The following CDH1 variants were observed in gnomAD, a reference collection of about 807,000 sequenced individuals.
The protein encoded by CDH1 is cadherin-1.
A neutral mutation model predicts 84.5 loss-of-function variants in CDH1; 35 were observed. The observed-to-expected ratio is 0.41, with a 90% CI of 0.32 to 0.55. The LOEUF is 0.55. CDH1 is among the 20% of genes least tolerant of loss of function. CDH1 has a pLI of 0.19. For missense variants in CDH1, 994 were observed against 1,126.6 expected (o/e 0.88, Z 1.68); for synonymous variants, 417 against 439.0 (o/e 0.95, Z 0.63).
chr16:68,818,494 T>C (rs1055108882), intron 10 of CDH1, among the ~76,000 whole-genome samples: 8 of 151,060 alleles, frequency 5.3e-5, no homozygotes, highest in Admixed American at 2.6e-4. Flanking sequence ...CATACTATTA[T>C]AGTAACTTGT....
chr16:68,790,443 A>G (rs906178805), intron 2 of CDH1, among the ~76,000 whole-genome samples: 1 of 152,214 alleles, frequency 6.6e-6, no homozygotes, highest in African/African-American at 2.4e-5. Context: ...GTTGCAGTCC[A>G]TGAAAATGAT....
intron 2 of CDH1, chr16:68,770,878 T>C (rs965268724): frequency 1.3e-5 from 2 of 151,438 alleles, no homozygotes; most frequent in Non-Finnish European, 1.5e-5. Flanking sequence ...AGAGCTGGTC[T>C]CTAGTTTTTT....
intron 2 of CDH1, among the ~76,000 whole-genome samples, chr16:68,785,267 C>T (rs1271159492): frequency 6.6e-6 from 1 of 152,166 alleles, no homozygotes; most frequent in Non-Finnish European, 1.5e-5. Flanking sequence ...TCTCGGCTCA[C>T]TGCAACCTCT....
At chr16:68,738,465 G>C (rs12448892) in intron 2 of CDH1, 54 bp downstream of exon 2, 3 of 1,298,848 alleles carry the variant, frequency 2.3e-6, no homozygotes, top group Non-Finnish European at 3.2e-6. Context: ...TTGGAAAGGG[G>C]CCGAGAAATT....
intron 2 of CDH1, 113 bp downstream of exon 2, chr16:68,738,524 A>C (rs892668183): frequency 1.5e-5 from 10 of 651,004 alleles, no homozygotes; most frequent in Non-Finnish European, 2.6e-5. Context: ...TCCTTGGCTC[A>C]AACGACACCC....
chr16:68,786,637 C>A (rs1432794405), intron 2 of CDH1, among the ~76,000 whole-genome samples: 1 of 146,738 alleles, frequency 6.8e-6, no homozygotes, highest in East Asian at 2.0e-4. Context: ...TGAGCAGTTA[C>A]CTTTCCAGGC....
At position 68,813,300 on chromosome 16, in the gene CDH1, C is replaced by G. The variant is rs1399457483; in HGVS notation, c.1138-13C>G. 1.4e-5 allele frequency: 22 copies of G among 1,613,956 alleles called. No homozygotes were observed. Among genetic ancestry groups the G allele is most frequent in the Non-Finnish European group, 1.8e-5 (21 of 1,179,842 alleles). ...TTGGTACTTTGTAAATGACACATCT[C>G]TTTGCTCTGCAGTACAAGGGTCAGG... On this transcript the variant is annotated splice_polypyrimidine_tract_variant and intron_variant, in intron 8 of 15. Transcript: ENST00000261769.
intron 2 of CDH1, among the ~76,000 whole-genome samples, chr16:68,786,418 T>C (rs1198873321): frequency 6.6e-6 from 1 of 151,838 alleles, no homozygotes; most frequent in African/African-American, 2.4e-5. Context: ...GCGATCCACA[T>C]GCCTTGGCCT....
intron 2 of CDH1, among the ~76,000 whole-genome samples, chr16:68,772,168 A>G (rs767764355): frequency 1.6e-4 from 24 of 152,062 alleles, no homozygotes; most frequent in Non-Finnish European, 2.6e-4. Flanking sequence ...CCTTATCTCA[A>G]AATTGGCCCC....
chr16:68,780,050 A>C (rs1366992955), intron 2 of CDH1, among the ~76,000 whole-genome samples: 2 of 152,006 alleles, frequency 1.3e-5, no homozygotes, highest in Non-Finnish European at 2.9e-5. Context: ...CCCTTGTGTC[A>C]CTCGCTCTAC....
At chr16:68,742,634 GC>G (rs1435125021) in intron 2 of CDH1, 1 of 152,398 alleles carries the variant, frequency 6.6e-6, no homozygotes, top group African/African-American at 2.4e-5. Flanking sequence ...TGTTGCCCAG[GC>G]TGGGCAAACT....
At chr16:68,789,858 G>A (rs1960162018) in intron 2 of CDH1, among the ~76,000 whole-genome samples, 2 of 152,216 alleles carry the variant, frequency 1.3e-5, no homozygotes, top group African/African-American at 4.8e-5. Context: ...TTGGGAGTTC[G>A]AGACCTGCCC....
intron 2 of CDH1, among the ~76,000 whole-genome samples, chr16:68,783,139 G>A (rs1189773613): frequency 2.0e-5 from 3 of 151,986 alleles, no homozygotes; most frequent in Admixed American, 6.6e-5. Context: ...GCTCACTCCT[G>A]TAATCCTGGC....
chr16:68,755,282 CAAAAAAAAA>C (rs1188775959), intron 2 of CDH1, among the ~76,000 whole-genome samples: 1 of 96,054 alleles, frequency 1.0e-5, no homozygotes, highest in East Asian at 3.3e-4. Flanking sequence ...GACTCTGTCT[CAAAAAAAAA>C]AAAAAAAAAA....
chr16:68,812,977 C>A (rs1431528701), intron 8 of CDH1, among the ~76,000 whole-genome samples: 1 of 152,170 alleles, frequency 6.6e-6, no homozygotes, highest in East Asian at 1.9e-4. Context: ...GAGGCGGAGG[C>A]TGCAGTGAGC....
In CDH1 at chr16:68,834,021, A is replaced by G. The variant is rs533321576; in HGVS notation, c.*522A>G. The G allele has an allele frequency of 3.1e-5, 11 of 358,352 alleles. No individual in the cohort carries two copies. The highest frequency in any genetic ancestry group is 2.1e-4 in the African/African-American group (10 of 47,194). The allele number at this position is 358,352 out of a possible 1,614,324, so 22.2% of individuals were successfully genotyped here. A position where few individuals can be genotyped will look rare whatever the true frequency, so the allele number is the denominator to read the frequency against. ...GGCCAGGCTGGAGTGCAGTGGTGCA[A>G]TCACAGCTCACTGCAGCCTTGTCCT... On this transcript the variant is annotated 3_prime_UTR_variant, in exon 16 of 16. Coordinates refer to ENST00000261769, the MANE Select transcript of CDH1 (RefSeq NM_004360.5).
chr16:68,786,442 G>A (rs1399175677), intron 2 of CDH1, among the ~76,000 whole-genome samples: 2 of 151,484 alleles, frequency 1.3e-5, no homozygotes, highest in Non-Finnish European at 1.5e-5. Flanking sequence ...AAAGTGCGGG[G>A]ATTACAGGGT....
At chr16:68,824,708 T>C (rs1961272066) in intron 13 of CDH1, among the ~76,000 whole-genome samples, 3 of 152,232 alleles carry the variant, frequency 2.0e-5, no homozygotes, top group Non-Finnish European at 4.4e-5. Flanking sequence ...CCTGTTTCCA[T>C]TGGAGCCCAC....
chr16:68,769,589 A>T (rs548854707), intron 2 of CDH1, among the ~76,000 whole-genome samples: 1 of 151,932 alleles, frequency 6.6e-6, no homozygotes, highest in Non-Finnish European at 1.5e-5. Flanking sequence ...GATTATAAGC[A>T]TGAGCCACTG....
Sources: allele counts gnomAD v4.1 joint callset (sites outside exome capture counted in the v4.1 genomes callset), GRCh38; gene constraint gnomAD v4.1.1; transcripts MANE v1.5; gene names NCBI Gene and HGNC (gene_info 2026-07-23, HGNC 2026-07-21).